Variants in TMEM132D observed in about 807,000 individuals in gnomAD.
TMEM132D encodes transmembrane protein 132D.
Under a neutral mutation model 62.3 loss-of-function variants are expected in TMEM132D, and 21 were observed. The ratio of observed to expected loss-of-function variants is 0.34; its 90% CI spans 0.24 to 0.49. The LOEUF is 0.49. TMEM132D is among the 20% of genes least tolerant of loss of function. TMEM132D has a pLI of 0.99. For synonymous variants in TMEM132D, 621 were observed against 575.6 expected, an observed-to-expected ratio of 1.08 and a Z score of -1.13; for missense variants, 1,346 against 1,402.8, an observed-to-expected ratio of 0.96 and a Z score of 0.65.
At chr12:129,828,473 T>C (rs1312827336) in intron 1 of TMEM132D, among the ~76,000 whole-genome samples, 1 of 151,726 alleles carries the variant, frequency 6.6e-6, no homozygotes, top group Non-Finnish European at 1.5e-5. Context: ...CTATTAGCAT[T>C]CACAGCAGTC....
At chr12:129,534,167 C>A (rs959808670) in intron 2 of TMEM132D, among the ~76,000 whole-genome samples, 1 of 152,140 alleles carries the variant, frequency 6.6e-6, no homozygotes, top group Non-Finnish European at 1.5e-5. Flanking sequence ...TTATAACCTA[C>A]TTGTGGTTCA....
rs187374155 is a variant in TMEM132D at position 129,369,854 on chromosome 12, T to C, written c.1116-32037A>G. On this transcript the variant is annotated intron_variant, in intron 3 of 8. Coordinates refer to ENST00000422113, the MANE Select transcript of TMEM132D (RefSeq NM_133448.3). ...CAGGTGAGATCAAGCAATTTTCGCA[T>C]GCTTGTAAGCTCTCTGTGCCTTGTC... is the stretch of plus-strand genomic sequence containing the variant. Among the ~76,000 whole-genome samples the C allele has an allele frequency of 2.7e-3, 407 of 152,368 alleles. 3 individuals are homozygous for C. The highest frequency in any genetic ancestry group is 9.3e-3 in the African/African-American group (386 of 41,596).
intron 5 of TMEM132D, among the ~76,000 whole-genome samples, chr12:129,173,110 G>C (rs1877785355): frequency 6.6e-6 from 1 of 152,166 alleles, no homozygotes; most frequent in Non-Finnish European, 1.5e-5. Context: ...TTGATATATT[G>C]TGAGAGTTGA....
rs144301169 is a variant in TMEM132D, at chr12:129,752,912, A to G, written c.80-52214T>C. 6.1e-4 allele frequency among the ~76,000 whole-genome samples: 93 copies of G among 152,338 alleles called. 1 individual carries two copies. Among genetic ancestry groups the G allele is most frequent in the Admixed American group, 4.4e-3 (68 of 15,312 alleles). On this transcript the variant is annotated intron_variant, in intron 1 of 8. Transcript: ENST00000422113. ...TGACATTTCCACCAAAACTTCATCC[A>G]AAGGAGGAAGGGTGGTCCCCCCAAA...
chr12:129,643,650 C>T, intron 2 of TMEM132D, among the ~76,000 whole-genome samples: 1 of 152,114 alleles, frequency 6.6e-6, no homozygotes, highest in African/African-American at 2.4e-5. Context: ...GGGAAACCTG[C>T]CCCATTCTAT....
chr12:129,141,935 T>TA (rs1260061526), intron 5 of TMEM132D, among the ~76,000 whole-genome samples: 5 of 149,838 alleles, frequency 3.3e-5, no homozygotes, highest in South Asian at 2.1e-4. Context: ...TTAAAATTAC[T>TA]AAAAAAACCC....
chr12:129,902,796 A>G (rs949175440), intron 1 of TMEM132D, among the ~76,000 whole-genome samples: 1 of 152,018 alleles, frequency 6.6e-6, no homozygotes, highest in African/African-American at 2.4e-5. Flanking sequence ...TAGTATTCCC[A>G]TACAACAGGA....
At chr12:129,537,085 G>A (rs1037227363) in intron 2 of TMEM132D, among the ~76,000 whole-genome samples, 1 of 150,354 alleles carries the variant, frequency 6.7e-6, no homozygotes, top group Non-Finnish European at 1.5e-5. Context: ...GCTTGAACCC[G>A]GGAGGCAGAG....
At chr12:129,685,790 C>T (rs533265027) in intron 2 of TMEM132D, among the ~76,000 whole-genome samples, 8 of 152,288 alleles carry the variant, frequency 5.3e-5, no homozygotes, top group Admixed American at 2.0e-4. Context: ...GCCACAGGAA[C>T]GGACCTACCC....
intron 1 of TMEM132D, among the ~76,000 whole-genome samples, chr12:129,886,328 A>C (rs1347948814): frequency 6.6e-6 from 1 of 152,162 alleles, no homozygotes; most frequent in Non-Finnish European, 1.5e-5. Context: ...ATGGAAGAGA[A>C]GTGTCTTGCT....
At chr12:129,609,710 G>A (rs1209589150) in intron 2 of TMEM132D, among the ~76,000 whole-genome samples, 1 of 152,006 alleles carries the variant, frequency 6.6e-6, no homozygotes. Flanking sequence ...CGAAGAGGTC[G>A]GGCCCCTCTT....
At chr12:129,760,039 G>A (rs1308719866) in intron 1 of TMEM132D, among the ~76,000 whole-genome samples, 1 of 151,948 alleles carries the variant, frequency 6.6e-6, no homozygotes, top group Non-Finnish European at 1.5e-5. Context: ...TAAGAAGTTG[G>A]GGCGACAGGT....
intron 3 of TMEM132D, among the ~76,000 whole-genome samples, chr12:129,496,573 T>C (rs1341605648): frequency 1.3e-5 from 2 of 151,972 alleles, no homozygotes; most frequent in East Asian, 1.9e-4. Flanking sequence ...AAGATGGTAA[T>C]AGGCAAGTGG....
chr12:129,166,710 C>G (rs1724312450), intron 5 of TMEM132D, among the ~76,000 whole-genome samples: 1 of 127,382 alleles, frequency 7.9e-6, no homozygotes, highest in Admixed American at 8.3e-5. Flanking sequence ...CACACACACA[C>G]ACATATACAC....
chr12:129,877,435 C>T (rs896427154), intron 1 of TMEM132D, among the ~76,000 whole-genome samples: 6 of 152,142 alleles, frequency 3.9e-5, no homozygotes, highest in South Asian at 2.1e-4. Flanking sequence ...AGGAAGCACC[C>T]ATTCCTATTT....
At chr12:129,815,484 G>T (rs1395663605) in intron 1 of TMEM132D, among the ~76,000 whole-genome samples, 2 of 152,188 alleles carry the variant, frequency 1.3e-5, no homozygotes, top group Admixed American at 6.5e-5. Flanking sequence ...TATTCTGGGG[G>T]GGTGACTGTC....
chr12:129,772,613 A>G (rs1009807412), intron 1 of TMEM132D, among the ~76,000 whole-genome samples: 1 of 152,206 alleles, frequency 6.6e-6, no homozygotes, highest in African/African-American at 2.4e-5. Context: ...TGCAGCATAC[A>G]TGTCAGCAAA....
intron 1 of TMEM132D, among the ~76,000 whole-genome samples, chr12:129,799,149 C>A (rs1871662622): frequency 6.6e-6 from 1 of 151,964 alleles, no homozygotes. Context: ...CCTGTAATCC[C>A]AACTACTCAG....
chr12:129,437,246 G>A (rs115550360), intron 3 of TMEM132D, among the ~76,000 whole-genome samples: 129 of 152,216 alleles, frequency 8.5e-4, no homozygotes, highest in African/African-American at 3.1e-3. Context: ...CAACTATAAT[G>A]ACTTTGAAGC....
Sources: allele counts gnomAD v4.1 joint callset (sites outside exome capture counted in the v4.1 genomes callset), GRCh38; gene constraint gnomAD v4.1.1; transcripts MANE v1.5; gene names NCBI Gene and HGNC (gene_info 2026-07-23, HGNC 2026-07-21).